Variants in NYAP2 observed in about 807,000 individuals in gnomAD.
NYAP2 encodes the protein neuronal tyrosine-phosphorylated phosphoinositide-3-kinase adaptor 2.
A neutral mutation model predicts 50.4 loss-of-function variants in NYAP2; 23 were observed. The ratio of observed to expected loss-of-function variants is 0.46; its 90% confidence interval spans 0.33 to 0.65. NYAP2 has a LOEUF of 0.65. NYAP2 is among the 30% of genes least tolerant of loss of function. The pLI, the probability that NYAP2 is intolerant of heterozygous loss-of-function variation, is 0.02. For missense variants in NYAP2, 885 were observed against 861.0 expected, an observed-to-expected ratio of 1.03 and a Z score of -0.35; for synonymous variants, 394 against 365.2, an observed-to-expected ratio of 1.08 and a Z score of -0.90.
chr2:225,437,311 C>G (rs1336207907), intron 3 of NYAP2, among the ~76,000 whole-genome samples: 4 of 152,070 alleles, frequency 2.6e-5, no homozygotes, highest in Admixed American at 2.6e-4. Context: ...GTGAAGGATA[C>G]TTTCTGCTCC....
intron 3 of NYAP2, among the ~76,000 whole-genome samples, chr2:225,511,599 A>G (rs1690819539): frequency 1.3e-5 from 2 of 152,118 alleles, no homozygotes; most frequent in African/African-American, 4.8e-5. Flanking sequence ...AAAAAAATAC[A>G]TATAAAATAT....
At chr2:225,697,947 A>C in the NYAP2 span, among the ~76,000 whole-genome samples, 1 of 151,832 alleles carries the variant, frequency 6.6e-6, no homozygotes, top group African/African-American at 2.4e-5. Context: ...CTGAGGCGGG[A>C]GAATTGCTTG....
chr2:225,639,639 CTG>C (rs1251963193), intron 6 of NYAP2, among the ~76,000 whole-genome samples: 3 of 152,172 alleles, frequency 2.0e-5, no homozygotes, highest in Non-Finnish European at 4.4e-5. Context: ...ATTTCCACCT[CTG>C]TGCTCCCAGG....
intron 6 of NYAP2, among the ~76,000 whole-genome samples, chr2:225,634,338 G>T (rs1033526853): frequency 3.3e-5 from 5 of 152,010 alleles, no homozygotes; most frequent in African/African-American, 1.2e-4. Flanking sequence ...CTTTGTGCTC[G>T]AACAGTAGAC....
rs141664925 is a variant in NYAP2, at chr2:225,464,227, G to A, written c.222-49144G>A. On this transcript the variant is annotated intron_variant, in intron 3 of 6. Coordinates refer to ENST00000636099, the Ensembl canonical transcript of NYAP2. The stretch of plus-strand genomic sequence containing the variant: ...AGCCATGTTAACTCCAGAATTCTCT[G>A]TGGTGTCAGTCAAGGCTGACATCAA... Among the ~76,000 whole-genome samples, 255 of 152,306 alleles carry A rather than the reference G, an allele frequency of 1.7e-3. 1 individual carries two copies. Among genetic ancestry groups the A allele is most frequent in the African/African-American group, 5.8e-3 (243 of 41,574 alleles).
chr2:225,419,137 A>G (rs1342378300), intron 3 of NYAP2, among the ~76,000 whole-genome samples: 1 of 152,218 alleles, frequency 6.6e-6, no homozygotes, highest in African/African-American at 2.4e-5. Context: ...TAAGAGCTAT[A>G]TGATCCACAC....
chr2:225,590,195 G>A (rs996383206), intron 5 of NYAP2, among the ~76,000 whole-genome samples: 1 of 152,138 alleles, frequency 6.6e-6, no homozygotes, highest in African/African-American at 2.4e-5. Flanking sequence ...CTCCTCTGCC[G>A]AGAGTCCCAC....
chr2:225,479,805 T>C (rs1690176071), intron 3 of NYAP2, among the ~76,000 whole-genome samples: 2 of 152,116 alleles, frequency 1.3e-5, no homozygotes, highest in South Asian at 4.1e-4. Context: ...AACATCTAAA[T>C]TTTTTTCTAC....
At chr2:225,678,202 A>G in the NYAP2 span, among the ~76,000 whole-genome samples, 1 of 152,068 alleles carries the variant, frequency 6.6e-6, no homozygotes, top group Admixed American at 6.6e-5. Context: ...ACTTTTACAC[A>G]GAGGTGCTCA....
the NYAP2 span, chr2:225,701,334 G>C: frequency 6.6e-6 from 1 of 151,712 alleles, no homozygotes; most frequent in African/African-American, 2.4e-5. Flanking sequence ...TTCTAGCAGT[G>C]CCAAAGAACA....
rs536312309 is a variant in NYAP2 at position 225,496,831 on chromosome 2, C to A, written c.222-16540C>A. On this transcript the variant is annotated intron_variant, in intron 3 of 6. Coordinates refer to ENST00000636099, the Ensembl canonical transcript of NYAP2. ...ATATCTTTATTGTACAGTACTGGCTCATTGTGCTGTTGTGTGCAACAAATA... is the reference window on the plus strand; with the variant it reads ...ATATCTTTATTGTACAGTACTGGCTAATTGTGCTGTTGTGTGCAACAAATA... 5.9e-5 allele frequency among the ~76,000 whole-genome samples: 9 copies of A among 152,054 alleles called. No individual in the cohort carries two copies. The East Asian group carries it at 1.5e-3, about 26-fold the overall frequency.
chr2:225,647,061 G>C (rs10933105), intron 6 of NYAP2, among the ~76,000 whole-genome samples: 79,382 of 151,920 alleles, frequency 0.52, 21,266 homozygotes, highest in Admixed American at 0.66. Flanking sequence ...GATCTGGTTA[G>C]ATAATCTTTT....
intron 2 of NYAP2, among the ~76,000 whole-genome samples, chr2:225,403,108 A>G (rs1365684591): frequency 6.6e-6 from 1 of 152,010 alleles, no homozygotes; most frequent in Non-Finnish European, 1.5e-5. Context: ...AACAAAAACA[A>G]CAAAAAATAG....
the NYAP2 span, chr2:225,699,944 T>G: frequency 6.6e-6 from 1 of 151,902 alleles, no homozygotes; most frequent in Non-Finnish European, 1.5e-5. Flanking sequence ...CTCCTAAAAT[T>G]GATAGTATGT....
intron 3 of NYAP2, among the ~76,000 whole-genome samples, chr2:225,442,036 G>A (rs918953905): frequency 3.9e-5 from 6 of 152,036 alleles, no homozygotes; most frequent in Non-Finnish European, 7.4e-5. Context: ...TCTTCAGTGC[G>A]GCATTCTCAA....
the NYAP2 span, among the ~76,000 whole-genome samples, chr2:225,684,645 G>A: frequency 6.6e-6 from 1 of 151,888 alleles, no homozygotes; most frequent in African/African-American, 2.4e-5. Context: ...TCCGTCTCCT[G>A]GGTTCAAGCG....
intron 5 of NYAP2, among the ~76,000 whole-genome samples, chr2:225,590,547 C>T (rs538591705): frequency 5.9e-5 from 9 of 152,252 alleles, no homozygotes; most frequent in Non-Finnish European, 1.3e-4. Flanking sequence ...ATATTTATGC[C>T]TTCAGTCAAA....
At chr2:225,679,471 T>G in the NYAP2 span, among the ~76,000 whole-genome samples, 1 of 151,816 alleles carries the variant, frequency 6.6e-6, no homozygotes, top group East Asian at 1.9e-4. Flanking sequence ...ACATTCTCAT[T>G]TTAAGAGTGG....
chr2:225,671,215 T>C, the NYAP2 span, among the ~76,000 whole-genome samples: 9 of 152,122 alleles, frequency 5.9e-5, no homozygotes, highest in Non-Finnish European at 1.0e-4. Context: ...AACCATATGA[T>C]GCTGTTTGAG....
Sources: gnomAD v4.1 joint callset for allele counts (sites outside exome capture counted in the v4.1 genomes callset) on GRCh38, gnomAD v4.1.1 for gene constraint, MANE v1.5 for transcripts, NCBI Gene and HGNC (gene_info 2026-07-23, HGNC 2026-07-21) for gene names.